SMYD2: variants seen among roughly 807,000 people sequenced by gnomAD.
SMYD2 encodes the protein SET and MYND domain containing 2, also known as N-lysine methyltransferase SMYD2.
SMYD2 carries 53 observed loss-of-function variants against 59.1 expected under a neutral mutation model. The observed-to-expected ratio is 0.90, with a 90% CI of 0.72 to 1.13. The LOEUF is 1.13. SMYD2 is among the 50% of genes most tolerant of loss of function. The pLI is 0.00. For missense variants in SMYD2, 494 were observed against 544.7 expected, an observed-to-expected ratio of 0.91 and a Z score of 0.93; for synonymous variants, 208 against 198.8, an observed-to-expected ratio of 1.05 and a Z score of -0.39.
At chr1:214,296,676 G>A (rs759390489) in intron 1 of SMYD2, among the ~76,000 whole-genome samples, 1 of 152,156 alleles carries the variant, frequency 6.6e-6, no homozygotes, top group Non-Finnish European at 1.5e-5. Flanking sequence ...CCTATGAGGT[G>A]GAAACGATAT....
rs1240669499 is a variant in SMYD2, at chr1:214,314,724, G to C, written c.238-38G>C. ...CCTCTCACACTTTATTCCAGTGTAT[G>C]TGCTATTTTTTAATAATGTTTTTTT... is the stretch of plus-strand genomic sequence containing the variant. On this transcript the variant is annotated intron_variant, in intron 2 of 11. Transcript: ENST00000366957. 4.4e-5 allele frequency: 66 copies of C among 1,488,944 alleles called. No homozygotes were observed. The Admixed American group carries it at 1.1e-3, about 25-fold the overall frequency. The allele number at this position is 1,488,944 out of a possible 1,614,324, so 92.2% of individuals were successfully genotyped here.
At chr1:214,285,794 A>G (rs1470983494) in intron 1 of SMYD2, among the ~76,000 whole-genome samples, 1 of 152,218 alleles carries the variant, frequency 6.6e-6, no homozygotes, top group African/African-American at 2.4e-5. Flanking sequence ...GTGTACTTAC[A>G]CAAAGCTACG....
At chr1:214,291,037 A>T (rs373503249) in intron 1 of SMYD2, among the ~76,000 whole-genome samples, 8 of 152,188 alleles carry the variant, frequency 5.3e-5, no homozygotes, top group African/African-American at 1.7e-4. Flanking sequence ...CTCACCAATA[A>T]GACACATTTA....
At chr1:214,311,314 T>C (rs1656996287) in intron 2 of SMYD2, among the ~76,000 whole-genome samples, 1 of 152,248 alleles carries the variant, frequency 6.6e-6, no homozygotes, top group South Asian at 2.1e-4. Flanking sequence ...GGATCCTTTG[T>C]GCCTGATGAA....
Position 214,318,748 on chromosome 1 carries a change from G to GT in SMYD2, c.410-99dup, listed in dbSNP as rs370961529. The stretch of plus-strand genomic sequence containing the variant: ...TGGGGGTTCAACATGTTAGTTTTGG[G>GT]TTTTTTTTTTTTCGCCCGTTCCTTT... On this transcript the variant is annotated intron_variant, in intron 4 of 11. Coordinates refer to ENST00000366957, the MANE Select transcript of SMYD2 (RefSeq NM_020197.3). The surrounding 1 kb of genome is among the most constrained non-coding windows in gnomAD (Gnocchi z 5.4). The GT allele has an allele frequency of 0.076, 72,052 of 947,432 alleles. 34 individuals carry two copies. The highest frequency in any genetic ancestry group is 0.11 in the South Asian group (5,556 of 51,162). The allele number at this position is 947,432 out of a possible 1,614,324, so 58.7% of individuals were successfully genotyped here.
At position 214,330,226 on chromosome 1, in the gene SMYD2, G is replaced by C. The variant is rs1657329789; in HGVS notation, c.764G>C (p.Arg255Thr). 1 of 1,613,594 alleles carries C rather than the reference G, an allele frequency of 6.2e-7. No homozygotes were observed. Among genetic ancestry groups the C allele is most frequent in the African/African-American group, 1.3e-5 (1 of 74,914 alleles). ...ACGGAAGATAGAAATGACCGGTTAA[G>C]AGATTCTTATTTCTTTACCTGTGAG... ...YPTEDRNDRLRDSYFFTCECQ... is the reference protein window; with the variant it reads ...YPTEDRNDRLTDSYFFTCECQ... The change falls in exon 8 of 12, where the codon AGA (arginine) becomes ACA (threonine). Residue 255 changes from arginine to threonine, a missense_variant. Coordinates refer to ENST00000366957, the MANE Select transcript of SMYD2 (RefSeq NM_020197.3).
intron 1 of SMYD2, among the ~76,000 whole-genome samples, chr1:214,290,252 C>T (rs1374328514): frequency 6.6e-6 from 1 of 152,190 alleles, no homozygotes; most frequent in Admixed American, 6.5e-5. Context: ...ACTTATCTTT[C>T]TAGTCCGTAC....
chr1:214,322,422 A>T (rs778514129), intron 5 of SMYD2, among the ~76,000 whole-genome samples: 4 of 152,224 alleles, frequency 2.6e-5, no homozygotes, highest in Non-Finnish European at 5.9e-5. Context: ...AAAAAATAAT[A>T]TGCCAAGTCT....
rs542850044 is a variant in SMYD2 at position 214,290,701 on chromosome 1, C to T, written c.173+9274C>T. ...ACCTGAATGTATCTTGGGGGAGGGA[C>T]GTGGTAAGATAATCTGGCTGTCCAA... is the stretch of plus-strand genomic sequence containing the variant. On this transcript the variant is annotated intron_variant, in intron 1 of 11. Coordinates refer to ENST00000366957, the MANE Select transcript of SMYD2 (RefSeq NM_020197.3). Among the ~76,000 whole-genome samples, 141 of 151,986 alleles carry T rather than the reference C, an allele frequency of 9.3e-4. 3 individuals carry two copies. The South Asian group carries it at 0.028, about 30-fold the overall frequency.
chr1:214,281,238 C>G lies in SMYD2; in HGVS notation c.-17C>G. The G allele has an allele frequency of 8.1e-7, 1 of 1,231,128 alleles. No individual in the cohort carries two copies. Among genetic ancestry groups the G allele is most frequent in the Non-Finnish European group, 1.0e-6 (1 of 981,308 alleles). 76.3% of individuals were successfully genotyped at this position (1,231,128 alleles called of 1,614,324 possible). A position where few individuals can be genotyped will look rare whatever the true frequency, so the allele number is the denominator to read the frequency against. On this transcript the variant is annotated 5_prime_UTR_variant, in exon 1 of 12. Transcript: ENST00000366957. ...CCGCAGCTCGGGCACAGCCGGCGGC[C>G]GCGCCCCGCCGCCACCATGAGGGCC...
intron 5 of SMYD2, among the ~76,000 whole-genome samples, chr1:214,321,679 C>T (rs1445134062): frequency 6.6e-6 from 1 of 152,208 alleles, no homozygotes; most frequent in Non-Finnish European, 1.5e-5. Context: ...TCACTGGGAA[C>T]ATATGCATGA....
At chr1:214,296,132 G>T (rs1656722068) in intron 1 of SMYD2, among the ~76,000 whole-genome samples, 1 of 152,212 alleles carries the variant, frequency 6.6e-6, no homozygotes, top group Admixed American at 6.5e-5. Flanking sequence ...TTCAGTAGCA[G>T]AAAGTAGGGA....
intron 1 of SMYD2, among the ~76,000 whole-genome samples, chr1:214,303,832 G>T (rs763767620): frequency 6.6e-6 from 1 of 152,254 alleles, no homozygotes; most frequent in Non-Finnish European, 1.5e-5. Flanking sequence ...CTGCAGAGGA[G>T]GGGGGACGAG....
At chr1:214,286,589 A>G (rs558191507) in intron 1 of SMYD2, among the ~76,000 whole-genome samples, 93 of 152,070 alleles carry the variant, frequency 6.1e-4, no homozygotes, top group African/African-American at 2.2e-3. Flanking sequence ...TGGCCAACAC[A>G]GTGAAACCCT....
chr1:214,285,205 T>TC (rs1250893098), intron 1 of SMYD2, among the ~76,000 whole-genome samples: 1 of 152,168 alleles, frequency 6.6e-6, no homozygotes, highest in Non-Finnish European at 1.5e-5. Context: ...TTTCCTCATG[T>TC]CCCCCAGATT....
chr1:214,303,108 A>G (rs1446062926), intron 1 of SMYD2, among the ~76,000 whole-genome samples: 1 of 152,176 alleles, frequency 6.6e-6, no homozygotes, highest in African/African-American at 2.4e-5. Flanking sequence ...AGAGTAAGTT[A>G]AAAGCTTCAG....
rs1397507427 is a variant in SMYD2, at chr1:214,336,548, T to TAAAAATAAATAAAAATAAAA, written c.1222-156_1222-155insAAAAATAAATAAAAATAAAA. ...CTCCGTCTCAAAATAAATAAATAAA[T>TAAAAATAAATAAAAATAAAA]TAAAATAAAAACAGGTCCTGGTGGA... On this transcript the variant is annotated intron_variant, in intron 11 of 11. Transcript: ENST00000366957. Among the ~76,000 whole-genome samples the TAAAAATAAATAAAAATAAAA allele has an allele frequency of 1.6e-3, 251 of 152,206 alleles. 12 individuals are homozygous for TAAAAATAAATAAAAATAAAA. In the South Asian group the frequency reaches 0.047, roughly 29 times the overall value.
intron 1 of SMYD2, among the ~76,000 whole-genome samples, chr1:214,284,848 T>G (rs1656511055): frequency 6.6e-6 from 1 of 152,200 alleles, no homozygotes; most frequent in Non-Finnish European, 1.5e-5. Flanking sequence ...GTGATTTGTC[T>G]CAGAAGGAGA....
intron 11 of SMYD2, among the ~76,000 whole-genome samples, 161 bp downstream of exon 11, chr1:214,334,469 G>A (rs189630683): frequency 5.3e-5 from 8 of 152,118 alleles, no homozygotes; most frequent in Admixed American, 3.3e-4. Flanking sequence ...CTGCAGGTGA[G>A]GGGGGAGTGA....
Sources: allele counts gnomAD v4.1 joint callset (sites outside exome capture counted in the v4.1 genomes callset), GRCh38; gene constraint gnomAD v4.1.1; non-coding constraint Gnocchi (gnomAD v3.1); transcripts MANE v1.5; gene names NCBI Gene and HGNC (gene_info 2026-07-23, HGNC 2026-07-21).